Variants in ATP9B observed in about 807,000 individuals in gnomAD.
ATP9B encodes probable phospholipid-transporting ATPase IIB.
In ATP9B, 110 loss-of-function variants were observed where a neutral mutation model predicts 146.1. That is an observed-to-expected ratio of 0.75 (90% CI 0.65 to 0.88). The LOEUF (loss-of-function observed/expected upper bound fraction) is 0.88. ATP9B is among the 40% of genes least tolerant of loss of function. The pLI is 0.00. For synonymous variants in ATP9B, 604 were observed against 569.7 expected (o/e 1.06, Z -0.86); for missense variants, 1,499 against 1,496.4 (o/e 1.00, Z -0.03).
intron 27 of ATP9B, among the ~76,000 whole-genome samples, 169 bp downstream of exon 27, chr18:79,373,051 C>CTT (rs5826630): frequency 1.5e-3 from 224 of 149,468 alleles, no homozygotes; most frequent in Non-Finnish European, 2.4e-3. Flanking sequence ...AACATGGGTC[C>CTT]TTTTTTTTTT....
At chr18:79,272,924 T>C (rs1350883084) in intron 12 of ATP9B, among the ~76,000 whole-genome samples, 1 of 152,116 alleles carries the variant, frequency 6.6e-6, no homozygotes, top group Non-Finnish European at 1.5e-5. Flanking sequence ...TACCTATGCC[T>C]CCTCCCTACG....
chr18:79,287,490 A>G lies in ATP9B; in HGVS notation c.1411+10294A>G, dbSNP rs571718898. On this transcript the variant is annotated intron_variant, in intron 13 of 29. Transcript: ENST00000426216. ...TCCTCTATCATTTTTTATTGCGTCT[A>G]TTTGATTCTTCTCTCTTTTCTTCTT... is the stretch of plus-strand genomic sequence containing the variant. Among the ~76,000 whole-genome samples, 11 of 152,148 alleles carry G rather than the reference A, an allele frequency of 7.2e-5. No individual in the cohort carries two copies. The East Asian group carries it at 1.9e-3, about 27-fold the overall frequency.
At chr18:79,095,628 C>G (rs1034181116) in intron 1 of ATP9B, 1 of 152,150 alleles carries the variant, frequency 6.6e-6, no homozygotes, top group African/African-American at 2.4e-5. Context: ...CTGCCTTTAT[C>G]CCAGAGGAAC....
At chr18:79,370,519 A>G (rs1405723752) in intron 26 of ATP9B, among the ~76,000 whole-genome samples, 2 of 152,208 alleles carry the variant, frequency 1.3e-5, no homozygotes, top group Non-Finnish European at 2.9e-5. Context: ...TGAAACCCAT[A>G]GTGAATGAAT....
intron 15 of ATP9B, among the ~76,000 whole-genome samples, chr18:79,313,896 A>C (rs150240192): frequency 6.6e-6 from 1 of 152,236 alleles, no homozygotes. Flanking sequence ...AGACTTCATC[A>C]TAATTTTTAA....
At chr18:79,165,974 G>C (rs1280789630) in intron 7 of ATP9B, among the ~76,000 whole-genome samples, 1 of 152,152 alleles carries the variant, frequency 6.6e-6, no homozygotes, top group Admixed American at 6.5e-5. Flanking sequence ...CAGTGCTGGA[G>C]GGGCTACACC....
intron 12 of ATP9B, among the ~76,000 whole-genome samples, chr18:79,269,494 TA>T (rs554879240): frequency 3.3e-5 from 5 of 152,392 alleles, no homozygotes; most frequent in South Asian, 2.1e-4. Context: ...CACAAACATT[TA>T]AAAAAAATTT....
chr18:79,150,086 T>TA (rs1228961545), intron 6 of ATP9B, among the ~76,000 whole-genome samples: 1 of 125,894 alleles, frequency 7.9e-6, no homozygotes, highest in Admixed American at 7.3e-5. Flanking sequence ...TCTCAAAAAA[T>TA]AAAAAAATAA....
At chr18:79,199,237 C>T (rs1313680308) in intron 9 of ATP9B, among the ~76,000 whole-genome samples, 2 of 152,076 alleles carry the variant, frequency 1.3e-5, no homozygotes, top group Non-Finnish European at 2.9e-5. Flanking sequence ...AGGCATGAGC[C>T]TGTAAACTCA....
At chr18:79,329,106 C>T in intron 15 of ATP9B, 35 bp from the exon 16 acceptor site, 3 of 1,492,154 alleles carry the variant, frequency 2.0e-6, no homozygotes, top group Non-Finnish European at 2.7e-6. Context: ...TTTCCTGAGG[C>T]AGCGGTGGCC....
chr18:79,265,978 C>T (rs997696918), intron 12 of ATP9B, among the ~76,000 whole-genome samples: 2 of 152,176 alleles, frequency 1.3e-5, no homozygotes, highest in African/African-American at 4.8e-5. Flanking sequence ...ATCTCAGCAC[C>T]ATTTATTGAA....
chr18:79,240,686 G>A lies in ATP9B; in HGVS notation c.1108-12695G>A, dbSNP rs750686448. ...CTTGAACCTGGGAGGTGGAGGTTGC[G>A]GTGAAGCCGAGATCGTGCCATTTTA... On this transcript the variant is annotated intron_variant, in intron 11 of 29. Coordinates refer to ENST00000426216, the MANE Select transcript of ATP9B (RefSeq NM_198531.5). 3.3e-5 allele frequency among the ~76,000 whole-genome samples: 5 copies of A among 152,220 alleles called. No individual in the cohort carries two copies. The East Asian group carries it at 5.8e-4, about 18-fold the overall frequency.
At chr18:79,281,295 G>A (rs1046006456) in intron 13 of ATP9B, among the ~76,000 whole-genome samples, 7 of 151,712 alleles carry the variant, frequency 4.6e-5, no homozygotes, top group East Asian at 2.0e-4. Context: ...TCAGGAGTTC[G>A]AGACCAGCCT....
At chr18:79,316,646 A>G (rs2096681636) in intron 15 of ATP9B, among the ~76,000 whole-genome samples, 1 of 152,196 alleles carries the variant, frequency 6.6e-6, no homozygotes, top group South Asian at 2.1e-4. Flanking sequence ...AGCGCAGCCA[A>G]CACGTCAGAG....
At chr18:79,345,616 C>T in intron 22 of ATP9B, 44 bp downstream of exon 22, 1 of 1,598,496 alleles carries the variant, frequency 6.3e-7, no homozygotes, top group Non-Finnish European at 8.5e-7. Context: ...TCCAGAGAAA[C>T]CCGTAGGCTG....
chr18:79,160,576 AT>A (rs1265973439), intron 7 of ATP9B, among the ~76,000 whole-genome samples: 2 of 152,234 alleles, frequency 1.3e-5, no homozygotes, highest in Non-Finnish European at 2.9e-5. Flanking sequence ...TGGGTAATTA[AT>A]TAAGTGGAAA....
At chr18:79,084,383 A>G (rs1599402384) in intron 1 of ATP9B, among the ~76,000 whole-genome samples, 1 of 152,088 alleles carries the variant, frequency 6.6e-6, no homozygotes. Context: ...GTAACTTAAA[A>G]TTTACCATTT....
chr18:79,217,226 C>T (rs1042299368), intron 11 of ATP9B, among the ~76,000 whole-genome samples: 1 of 152,174 alleles, frequency 6.6e-6, no homozygotes, highest in Non-Finnish European at 1.5e-5. Context: ...GCTGTGTTGC[C>T]CAGGCTGGAG....
chr18:79,260,512 G>A (rs1333589103), intron 12 of ATP9B, among the ~76,000 whole-genome samples: 1 of 152,118 alleles, frequency 6.6e-6, no homozygotes, highest in East Asian at 1.9e-4. Context: ...AGTAGAGATG[G>A]GTTATCCAAG....
Sources: allele counts gnomAD v4.1 joint callset (sites outside exome capture counted in the v4.1 genomes callset), GRCh38; gene constraint gnomAD v4.1.1; transcripts MANE v1.5; gene names NCBI Gene and HGNC (gene_info 2026-07-23, HGNC 2026-07-21).